Variants in EPHA3 observed in about 807,000 individuals in gnomAD.
EPHA3 encodes EPH receptor A3.
Under a neutral mutation model 107.1 loss-of-function variants are expected in EPHA3, and 42 were observed. The ratio of observed to expected loss-of-function variants is 0.39; its 90% CI spans 0.31 to 0.51. The LOEUF (loss-of-function observed/expected upper bound fraction) is 0.51, where lower values mean the gene tolerates loss of function less well. EPHA3 is among the 20% of genes least tolerant of loss of function. The pLI, the probability that EPHA3 is intolerant of heterozygous loss-of-function variation, is 0.78. For missense variants in EPHA3, 1,183 were observed against 1,211.2 expected (o/e 0.98, Z 0.35); for synonymous variants, 461 against 424.8 (o/e 1.09, Z -1.05).
intron 3 of EPHA3, among the ~76,000 whole-genome samples, chr3:89,320,586 C>T (rs1251088232): frequency 2.3e-5 from 3 of 131,910 alleles, no homozygotes; most frequent in South Asian, 4.6e-4. Context: ...TTAAATGAAA[C>T]AATCCCATGG....
At chr3:89,163,873 G>A (rs974922914) in intron 2 of EPHA3, among the ~76,000 whole-genome samples, 8 of 152,172 alleles carry the variant, frequency 5.3e-5, no homozygotes, top group Non-Finnish European at 7.3e-5. Context: ...TCTCTTTGAG[G>A]TCAATAAAAC....
In EPHA3 at chr3:89,145,654, A is replaced by T. The variant is rs1704539811; in HGVS notation, c.153+18381A>T. On this transcript the variant is annotated intron_variant, in intron 2 of 16. Transcript: ENST00000336596. ...TGCTTTTTCTATATTGTCTATTTCAAATAATGTATTAAATATCCACTTAGT... is the reference window on the plus strand; with the variant it reads ...TGCTTTTTCTATATTGTCTATTTCATATAATGTATTAAATATCCACTTAGT... 2.6e-5 allele frequency among the ~76,000 whole-genome samples: 4 copies of T among 151,966 alleles called. No individual in the cohort carries two copies. In the South Asian group the frequency reaches 8.3e-4, roughly 31 times the overall value.
intron 1 of EPHA3, among the ~76,000 whole-genome samples, chr3:89,117,212 G>A (rs148317956): frequency 6.6e-6 from 1 of 152,156 alleles, no homozygotes; most frequent in African/African-American, 2.4e-5. Context: ...AAGAAAAATA[G>A]ATGAATAAGA....
intron 2 of EPHA3, among the ~76,000 whole-genome samples, chr3:89,196,304 C>G (rs1705835598): frequency 6.6e-6 from 1 of 152,178 alleles, no homozygotes; most frequent in Non-Finnish European, 1.5e-5. Flanking sequence ...TGTCCTCTCT[C>G]TGGCTTCCGT....
intron 3 of EPHA3, among the ~76,000 whole-genome samples, chr3:89,272,281 C>CG (rs1307187514): frequency 2.1e-5 from 3 of 143,488 alleles, no homozygotes; most frequent in Non-Finnish European, 4.6e-5. Context: ...AATGTATTAC[C>CG]ATTTTTTTTT....
intron 3 of EPHA3, among the ~76,000 whole-genome samples, chr3:89,303,975 CTT>C (rs1387799447): frequency 6.6e-6 from 1 of 152,102 alleles, no homozygotes; most frequent in Non-Finnish European, 1.5e-5. Context: ...ACCAGACTTA[CTT>C]TTCTTTTCCT....
At chr3:89,190,304 CCTAA>C (rs1223489132) in intron 2 of EPHA3, among the ~76,000 whole-genome samples, 2 of 152,092 alleles carry the variant, frequency 1.3e-5, no homozygotes, top group Non-Finnish European at 1.5e-5. Context: ...TCTTATTTTT[CCTAA>C]CTCTCTTCAA....
At chr3:89,149,920 C>T (rs1704652857) in intron 2 of EPHA3, among the ~76,000 whole-genome samples, 1 of 151,784 alleles carries the variant, frequency 6.6e-6, no homozygotes, top group Non-Finnish European at 1.5e-5. Flanking sequence ...TTATAATAAA[C>T]AAATTAAATA....
Position 89,203,151 on chromosome 3 carries a change from A to G in EPHA3, c.154-6709A>G, listed in dbSNP as rs1419523783. On this transcript the variant is annotated intron_variant, in intron 2 of 16. Coordinates refer to ENST00000336596, the MANE Select transcript of EPHA3 (RefSeq NM_005233.6). Reference sequence around the variant, plus strand: ...CATCCTATCAGTTCAGGTAGAGTGCAGACGTTAAAAGTCCAGTTGGCCAAG... The same window carrying G: ...CATCCTATCAGTTCAGGTAGAGTGCGGACGTTAAAAGTCCAGTTGGCCAAG... Among the ~76,000 whole-genome samples the G allele has an allele frequency of 2.6e-5, 4 of 152,066 alleles. No homozygotes were observed. The East Asian group carries it at 7.7e-4, about 29-fold the overall frequency.
At chr3:89,442,303 G>A (rs1709800960) in intron 13 of EPHA3, among the ~76,000 whole-genome samples, 1 of 152,124 alleles carries the variant, frequency 6.6e-6, no homozygotes, top group Non-Finnish European at 1.5e-5. Context: ...TAAAGGTATA[G>A]CCTGTGACAG....
At chr3:89,154,217 T>A (rs189603532) in intron 2 of EPHA3, among the ~76,000 whole-genome samples, 118 of 152,092 alleles carry the variant, frequency 7.8e-4, no homozygotes, top group Non-Finnish European at 1.3e-3. Context: ...CCTTTCCTTT[T>A]GAGCAGGAGA....
At chr3:89,134,325 G>T (rs372501069) in intron 2 of EPHA3, among the ~76,000 whole-genome samples, 3 of 151,590 alleles carry the variant, frequency 2.0e-5, no homozygotes, top group African/African-American at 7.3e-5. Flanking sequence ...CCATTAACTC[G>T]TCATTTACAT....
At chr3:89,264,718 G>T (rs1044058253) in intron 3 of EPHA3, among the ~76,000 whole-genome samples, 1 of 152,040 alleles carries the variant, frequency 6.6e-6, no homozygotes, top group Non-Finnish European at 1.5e-5. Flanking sequence ...GTCTATGCTT[G>T]CCACATCCTA....
intron 15 of EPHA3, among the ~76,000 whole-genome samples, chr3:89,456,048 G>A (rs1343930459): frequency 6.6e-6 from 1 of 152,102 alleles, no homozygotes; most frequent in East Asian, 1.9e-4. Flanking sequence ...TAATAAATAT[G>A]TGCTGACATC....
At chr3:89,344,306 T>C (rs1411123025) in intron 5 of EPHA3, among the ~76,000 whole-genome samples, 1 of 152,084 alleles carries the variant, frequency 6.6e-6, no homozygotes. Flanking sequence ...ATAAATGAGA[T>C]TGATGCTTTG....
chr3:89,167,734 A>G (rs1200698254), intron 2 of EPHA3, among the ~76,000 whole-genome samples: 1 of 152,066 alleles, frequency 6.6e-6, no homozygotes, highest in Non-Finnish European at 1.5e-5. Context: ...GATACTGGAG[A>G]AATATTTGCA....
chr3:89,244,881 A>G (rs752884194), intron 3 of EPHA3, among the ~76,000 whole-genome samples: 4 of 152,180 alleles, frequency 2.6e-5, no homozygotes, highest in Non-Finnish European at 4.4e-5. Context: ...ACATTTTCCT[A>G]TGAAAATGCA....
intron 2 of EPHA3, among the ~76,000 whole-genome samples, chr3:89,178,227 ATC>A (rs1705360310): frequency 7.1e-6 from 1 of 140,502 alleles, no homozygotes; most frequent in Non-Finnish European, 1.6e-5. Context: ...AGGGCTTATA[ATC>A]AAGAGACATA....
intron 3 of EPHA3, among the ~76,000 whole-genome samples, chr3:89,251,229 A>C (rs1454050196): frequency 6.6e-6 from 1 of 152,146 alleles, no homozygotes; most frequent in Non-Finnish European, 1.5e-5. Context: ...AATAAAAAAC[A>C]AACTAGAAAA....
Sources: gnomAD v4.1 joint callset for allele counts (sites outside exome capture counted in the v4.1 genomes callset) on GRCh38, gnomAD v4.1.1 for gene constraint, MANE v1.5 for transcripts, NCBI Gene and HGNC (gene_info 2026-07-23, HGNC 2026-07-21) for gene names.